CATSPERG: variants seen among roughly 807,000 people sequenced by gnomAD.
CATSPERG encodes catsper channel auxiliary subunit gamma, also known as cation channel sperm-associated auxiliary subunit gamma.
In CATSPERG, 115 loss-of-function variants were observed where a neutral mutation model predicts 145.0. The observed-to-expected ratio is 0.79, with a 90% CI of 0.68 to 0.93. CATSPERG has a LOEUF of 0.93. CATSPERG is among the 40% of genes least tolerant of loss of function. The pLI is 0.00. For synonymous variants in CATSPERG, 588 were observed against 589.0 expected (o/e 1.00, Z 0.02); for missense variants, 1,296 against 1,490.1 (o/e 0.87, Z 2.14).
At chr19:38,351,917 G>C (rs1363359346) in intron 7 of CATSPERG, among the ~76,000 whole-genome samples, 1 of 152,062 alleles carries the variant, frequency 6.6e-6, no homozygotes, top group Non-Finnish European at 1.5e-5. Flanking sequence ...TAAAAAAAAT[G>C]TCCCTTGGGG....
intron 3 of CATSPERG, among the ~76,000 whole-genome samples, chr19:38,343,139 G>A (rs1222886783): frequency 6.6e-6 from 1 of 152,084 alleles, no homozygotes; most frequent in Non-Finnish European, 1.5e-5. Context: ...GAGACCAGGA[G>A]TTCAAGACCA....
At chr19:38,359,723 A>G in intron 14 of CATSPERG, 142 bp downstream of exon 14, 1 of 1,396,942 alleles carries the variant, frequency 7.2e-7, no homozygotes, top group Non-Finnish European at 9.3e-7. Flanking sequence ...AGCTCCATTT[A>G]TAACTGAAAC....
At position 38,370,360 on chromosome 19, in the gene CATSPERG, T is replaced by C; in HGVS notation, c.3213+102T>C. The C allele has an allele frequency of 2.1e-6, 3 of 1,403,106 alleles. No homozygotes were observed. In the South Asian group the frequency reaches 3.5e-5, roughly 17 times the overall value. 86.9% of individuals were successfully genotyped at this position (1,403,106 alleles called of 1,614,324 possible). On this transcript the variant is annotated intron_variant, in intron 28 of 28. Coordinates refer to ENST00000409235, the MANE Select transcript of CATSPERG (RefSeq NM_021185.5). ...GCTCATTCATTCCTTTATTCACTCA[T>C]CTAGCCATGCTGACTGAACGCCTGC...
intron 6 of CATSPERG, among the ~76,000 whole-genome samples, chr19:38,345,172 T>C (rs1275749770): frequency 6.6e-6 from 1 of 150,890 alleles, no homozygotes. Flanking sequence ...TGCCTCATTG[T>C]AACCTCCACC....
At chr19:38,340,525 G>A (rs1004164864) in intron 3 of CATSPERG, among the ~76,000 whole-genome samples, 8 of 151,364 alleles carry the variant, frequency 5.3e-5, no homozygotes, top group Admixed American at 4.0e-4. Flanking sequence ...TCTCCATATT[G>A]GTCAGGCTGG....
rs1364024887 is a variant in CATSPERG, at chr19:38,356,682, G to A, written c.1196-60G>A. On this transcript the variant is annotated intron_variant, in intron 10 of 28. Transcript: ENST00000409235. Reference sequence around the variant, plus strand: ...GTGAGTTATGGGGAGGGGTACAGCTGGCACAGGACCAAGGCTATTGAGCCC... The same window carrying A: ...GTGAGTTATGGGGAGGGGTACAGCTAGCACAGGACCAAGGCTATTGAGCCC... 2.5e-6 allele frequency: 4 copies of A among 1,605,440 alleles called. No individual in the cohort carries two copies. The East Asian group carries it at 8.9e-5, about 36-fold the overall frequency.
At chr19:38,346,355 GC>G (rs1970041505) in intron 6 of CATSPERG, 94 bp from the exon 7 acceptor site, 2 of 1,181,228 alleles carry the variant, frequency 1.7e-6, no homozygotes, top group East Asian at 2.7e-5. Context: ...ATCGCGTGGG[GC>G]CTTGTGGGTC....
In CATSPERG at chr19:38,362,230, C is replaced by T. The variant is rs560225004; in HGVS notation, c.2115C>T (p.His705=). 1.3e-4 allele frequency: 214 copies of T among 1,607,500 alleles called. No individual in the cohort carries two copies. Among genetic ancestry groups the T allele is most frequent in the Non-Finnish European group, 1.7e-4 (201 of 1,177,082 alleles). Residue 705 remains histidine, a synonymous_variant, in exon 18 of 29, where the codon CAC becomes CAT. Transcript: ENST00000409235. ...VYDKPYADPV[H]DPTWRWWANN... The stretch of plus-strand genomic sequence containing the variant: ...TGCAGCCGTACGCGGACCCGGTGCA[C>T]GACCCCACCTGGCGCTGGTGGGCGA...
chr19:38,362,002 C>CACGGGGGGGG (rs2145101929), intron 17 of CATSPERG, 141 bp downstream of exon 17: 9 of 186,470 alleles, frequency 4.8e-5, no homozygotes, highest in East Asian at 9.7e-5. Context: ...GACCTGGGGG[C>CACGGGGGGGG]GGGGCCTGGC....
At chr19:38,343,513 G>A (rs904970938) in intron 3 of CATSPERG, 67 bp from the exon 4 acceptor site, 70 of 1,401,874 alleles carry the variant, frequency 5.0e-5, no homozygotes, top group South Asian at 1.8e-4. Flanking sequence ...TGTTAGAGGC[G>A]GGCTTAAGGC....
At chr19:38,338,217 C>T (rs1413514494) in intron 3 of CATSPERG, among the ~76,000 whole-genome samples, 4 of 152,042 alleles carry the variant, frequency 2.6e-5, no homozygotes, top group East Asian at 1.9e-4. Flanking sequence ...GGCGCGATCT[C>T]GGCTCACTGC....
At chr19:38,362,136 T>C (rs1368784941) in intron 17 of CATSPERG, 74 bp from the exon 18 acceptor site, 5 of 1,491,516 alleles carry the variant, frequency 3.4e-6, no homozygotes, top group Non-Finnish European at 4.6e-6. Flanking sequence ...TAGGAGGTGG[T>C]CTGGGGATGC....
At chr19:38,357,734 C>T (rs1448243686) in intron 11 of CATSPERG, among the ~76,000 whole-genome samples, 2 of 152,026 alleles carry the variant, frequency 1.3e-5, no homozygotes, top group African/African-American at 2.4e-5. Context: ...GGGGGATCAC[C>T]TAAGGTCAGG....
intron 7 of CATSPERG, among the ~76,000 whole-genome samples, chr19:38,350,587 C>T (rs1487843539): frequency 6.6e-6 from 1 of 152,108 alleles, no homozygotes; most frequent in African/African-American, 2.4e-5. Flanking sequence ...CCATGTTAGC[C>T]AGGCTGGTTT....
At chr19:38,342,349 C>A (rs1453649814) in intron 3 of CATSPERG, among the ~76,000 whole-genome samples, 1 of 152,004 alleles carries the variant, frequency 6.6e-6, no homozygotes, top group Non-Finnish European at 1.5e-5. Context: ...CCTGTAATCC[C>A]AGCACTTTGG....
chr19:38,367,853 C>A (rs563926175), intron 25 of CATSPERG, 77 bp downstream of exon 25: 1 of 1,385,654 alleles, frequency 7.2e-7, no homozygotes, highest in Middle Eastern at 2.0e-4. Flanking sequence ...CCAAGCCCAC[C>A]TCGCAAGCCC....
chr19:38,356,652 G>A (rs1970248698), intron 10 of CATSPERG, 90 bp from the exon 11 acceptor site: 17 of 1,593,808 alleles, frequency 1.1e-5, no homozygotes, highest in Non-Finnish European at 1.4e-5. Context: ...GTGTCTTAGG[G>A]AGGGGTGAGT....
intron 8 of CATSPERG, among the ~76,000 whole-genome samples, chr19:38,353,762 G>A (rs929338132): frequency 1.6e-4 from 24 of 150,186 alleles, no homozygotes; most frequent in African/African-American, 5.4e-4. Context: ...CAGCGCTTTG[G>A]GAGGGCGGAT....
At chr19:38,359,682 CACCCTCGGGG>C (rs1316036352) in intron 14 of CATSPERG, 101 bp downstream of exon 14, 6 of 1,479,902 alleles carry the variant, frequency 4.1e-6, no homozygotes, top group Admixed American at 2.2e-5. Context: ...GGGAAGGGGG[CACCCTCGGGG>C]ACCCTGAGAA....
Sources: allele counts gnomAD v4.1 joint callset (sites outside exome capture counted in the v4.1 genomes callset), GRCh38; gene constraint gnomAD v4.1.1; transcripts MANE v1.5; gene names NCBI Gene and HGNC (gene_info 2026-07-23, HGNC 2026-07-21).